Variants in DLG2 observed in about 807,000 individuals in gnomAD.
DLG2 encodes discs large MAGUK scaffold protein 2, also known as disks large homolog 2.
DLG2 carries 45 observed loss-of-function variants against 132.5 expected under a neutral mutation model. The ratio of observed to expected loss-of-function variants is 0.34; its 90% CI spans 0.27 to 0.44. The LOEUF (loss-of-function observed/expected upper bound fraction) is 0.44. DLG2 is among the 20% of genes least tolerant of loss of function. The pLI, the probability that DLG2 is intolerant of heterozygous loss-of-function variation, is 1.00. For synonymous variants in DLG2, 424 were observed against 419.6 expected, an observed-to-expected ratio of 1.01 and a Z score of -0.13; for missense variants, 1,045 against 1,196.9, an observed-to-expected ratio of 0.87 and a Z score of 1.87.
chr11:85,530,623 G>T (rs1161687399), intron 3 of DLG2, among the ~76,000 whole-genome samples: 1 of 152,068 alleles, frequency 6.6e-6, no homozygotes, highest in Non-Finnish European at 1.5e-5. Context: ...ACCTGGCTAG[G>T]GTGTTTTTCT....
chr11:83,895,591 ATGAT>A (rs1419423817), intron 15 of DLG2, among the ~76,000 whole-genome samples: 2 of 152,138 alleles, frequency 1.3e-5, no homozygotes, highest in Non-Finnish European at 2.9e-5. Flanking sequence ...CCCTTTAAAC[ATGAT>A]ACTTGACAAC....
intron 3 of DLG2, among the ~76,000 whole-genome samples, chr11:85,425,651 C>A (rs1420546749): frequency 6.6e-6 from 1 of 152,024 alleles, no homozygotes; most frequent in Admixed American, 6.6e-5. Flanking sequence ...AGAAAAAAAT[C>A]GGGGGTGGAG....
At chr11:84,313,258 G>C (rs578109944) in intron 7 of DLG2, among the ~76,000 whole-genome samples, 2 of 152,062 alleles carry the variant, frequency 1.3e-5, no homozygotes, top group East Asian at 3.9e-4. Context: ...TGGGACTATG[G>C]TGTGCACCAC....
chr11:85,409,372 G>C (rs950199610), intron 3 of DLG2, among the ~76,000 whole-genome samples: 2 of 151,844 alleles, frequency 1.3e-5, no homozygotes, highest in Non-Finnish European at 2.9e-5. Context: ...CTTTGGCAAG[G>C]TGACCTTGAG....
At chr11:83,681,487 T>A (rs2078799768) in intron 18 of DLG2, among the ~76,000 whole-genome samples, 1 of 152,202 alleles carries the variant, frequency 6.6e-6, no homozygotes, top group African/African-American at 2.4e-5. Context: ...TTGTCCGTCC[T>A]GCGGGTACGT....
intron 6 of DLG2, among the ~76,000 whole-genome samples, chr11:84,902,997 T>C (rs2091079922): frequency 6.6e-6 from 1 of 152,114 alleles, no homozygotes; most frequent in African/African-American, 2.4e-5. Context: ...CCTTTACCTT[T>C]TCTTTTCTGA....
chr11:84,174,723 G>C (rs2095909341), intron 8 of DLG2, among the ~76,000 whole-genome samples: 2 of 152,108 alleles, frequency 1.3e-5, no homozygotes, highest in Non-Finnish European at 2.9e-5. Flanking sequence ...ACCAACTAAA[G>C]ACTGTCTTGT....
chr11:84,323,096 A>G (rs1567289742), intron 7 of DLG2, among the ~76,000 whole-genome samples: 1 of 152,172 alleles, frequency 6.6e-6, no homozygotes, highest in Non-Finnish European at 1.5e-5. Context: ...TTAAGTGTCC[A>G]ATATAGTGCT....
In DLG2 at chr11:83,484,192, A is replaced by G; in HGVS notation, c.2230T>C (p.Ser744Pro). The G allele has an allele frequency of 6.2e-7, 1 of 1,613,464 alleles. No individual in the cohort carries two copies. The highest frequency in any genetic ancestry group is 8.5e-7 in the Non-Finnish European group (1 of 1,179,604). ...NDKRKKSFIF[S>P]RKFPFYKNKE... is the part of the protein sequence containing the mutation. ...TTCTTGTAGAATGGGAATTTTCGTG[A>G]AAAGATGAAGCTCTTTTTACGCTTG... The change falls in exon 22 of 28, where the codon TCA becomes CCA. Residue 744 changes from serine to proline, a missense_variant. Physicochemically the swap from Ser to Pro is moderately conservative, Grantham distance 74. Around this residue, in one of 4 missense-constraint regions of DLG2, gnomAD observed 398 missense variants for 543.6 expected, o/e 0.73. Transcript: ENST00000376104.
chr11:84,623,319 G>C (rs760951712), intron 6 of DLG2, among the ~76,000 whole-genome samples: 2 of 152,052 alleles, frequency 1.3e-5, no homozygotes, highest in South Asian at 2.1e-4. Context: ...ACACAAACTT[G>C]CTCCCTCCCT....
At chr11:84,044,581 T>G (rs1190272162) in intron 11 of DLG2, among the ~76,000 whole-genome samples, 1 of 151,762 alleles carries the variant, frequency 6.6e-6, no homozygotes, top group Non-Finnish European at 1.5e-5. Flanking sequence ...TCATTTTTCT[T>G]GTAAGACCCC....
At chr11:85,278,796 C>T (rs887239601) in intron 4 of DLG2, among the ~76,000 whole-genome samples, 1 of 152,108 alleles carries the variant, frequency 6.6e-6, no homozygotes, top group African/African-American at 2.4e-5. Context: ...CATCCTTTCT[C>T]GGCTATAGTG....
At chr11:84,644,352 T>G (rs1477556842) in intron 6 of DLG2, among the ~76,000 whole-genome samples, 2 of 152,134 alleles carry the variant, frequency 1.3e-5, no homozygotes, top group Admixed American at 6.5e-5. Context: ...CCTGGTAAAG[T>G]TTCCTTTCAA....
At chr11:85,262,062 C>T (rs538332280) in intron 4 of DLG2, among the ~76,000 whole-genome samples, 29 of 152,230 alleles carry the variant, frequency 1.9e-4, no homozygotes, top group Non-Finnish European at 3.1e-4. Context: ...TGGCAGAGAT[C>T]GCAATCCTGA....
chr11:84,779,562 T>C (rs2071334799), intron 6 of DLG2, among the ~76,000 whole-genome samples: 1 of 152,152 alleles, frequency 6.6e-6, no homozygotes. Context: ...TTTCTTTCTC[T>C]TGCCTGATCG....
intron 6 of DLG2, among the ~76,000 whole-genome samples, chr11:85,070,937 C>A (rs1352462012): frequency 6.6e-6 from 1 of 151,818 alleles, no homozygotes. Flanking sequence ...GAGAGGAGTA[C>A]AAAATAGCAG....
intron 3 of DLG2, among the ~76,000 whole-genome samples, chr11:85,458,115 G>C (rs1195675540): frequency 6.6e-6 from 1 of 152,028 alleles, no homozygotes; most frequent in East Asian, 1.9e-4. Context: ...CATATTTCTT[G>C]GAGGTTTTGT....
Position 85,365,129 on chromosome 11 carries a change from T to C in DLG2, c.41-79764A>G, listed in dbSNP as rs533569269. On this transcript the variant is annotated intron_variant, in intron 3 of 27. Transcript: ENST00000376104. ...TCACAAGAATTGTTGTTTATAAAAA[T>C]CTAACTTAAAAAAAATCATTAGCAA... Among the ~76,000 whole-genome samples the C allele has an allele frequency of 5.3e-5, 8 of 152,220 alleles. No homozygotes were observed. The South Asian group carries it at 1.7e-3, about 32-fold the overall frequency.
At chr11:84,976,601 T>G (rs2054942379) in intron 6 of DLG2, among the ~76,000 whole-genome samples, 1 of 152,200 alleles carries the variant, frequency 6.6e-6, no homozygotes, top group African/African-American at 2.4e-5. Context: ...GTCAAGGGTT[T>G]CTAGACTTCT....
Sources: allele counts gnomAD v4.1 joint callset (sites outside exome capture counted in the v4.1 genomes callset), GRCh38; gene constraint gnomAD v4.1.1; regional missense constraint gnomAD v4.1.1; transcripts MANE v1.5; gene names NCBI Gene and HGNC (gene_info 2026-07-23, HGNC 2026-07-21).